Variants in MMD2 observed in about 807,000 individuals in gnomAD.
The protein encoded by MMD2 is monocyte to macrophage differentiation factor 2.
In MMD2, 30 loss-of-function variants were observed where a neutral mutation model predicts 33.5. The observed-to-expected ratio is 0.90, with a 90% CI of 0.67 to 1.22. The LOEUF (loss-of-function observed/expected upper bound fraction) is 1.22, where lower values mean the gene tolerates loss of function less well. MMD2 is among the 50% of genes most tolerant of loss of function. MMD2 has a pLI of 0.00. For missense variants in MMD2, 364 were observed against 325.4 expected, an observed-to-expected ratio of 1.12 and a Z score of -0.91; for synonymous variants, 129 against 123.0, an observed-to-expected ratio of 1.05 and a Z score of -0.32.
At chr7:4,893,031 A>G in the MMD2 span, among the ~76,000 whole-genome samples, 1 of 152,116 alleles carries the variant, frequency 6.6e-6, no homozygotes, top group Admixed American at 6.6e-5. Flanking sequence ...TGCGGTTTCT[A>G]AGATAGCCAC....
At chr7:4,955,069 T>A (rs904767241) in intron 1 of MMD2, among the ~76,000 whole-genome samples, 62 of 152,072 alleles carry the variant, frequency 4.1e-4, no homozygotes, top group African/African-American at 1.4e-3. Flanking sequence ...TTGCCCAGAG[T>A]GTTCTCAATC....
intron 6 of MMD2, among the ~76,000 whole-genome samples, chr7:4,908,991 A>G (rs1236358716): frequency 6.6e-6 from 1 of 152,106 alleles, no homozygotes; most frequent in Non-Finnish European, 1.5e-5. Flanking sequence ...ACGCACGACA[A>G]TGTGAGTGTG....
At chr7:4,896,260 G>T in the MMD2 span, among the ~76,000 whole-genome samples, 1 of 152,094 alleles carries the variant, frequency 6.6e-6, no homozygotes, top group Non-Finnish European at 1.5e-5. Flanking sequence ...CGGGTGGACT[G>T]CCTGAGCTCA....
chr7:4,910,814 A>T (rs976658205), intron 5 of MMD2, among the ~76,000 whole-genome samples: 10 of 152,118 alleles, frequency 6.6e-5, no homozygotes, highest in African/African-American at 1.9e-4. Context: ...TTTTTAATAG[A>T]GACAGGGTTT....
intron 1 of MMD2, among the ~76,000 whole-genome samples, chr7:4,937,652 G>A (rs1185583114): frequency 6.6e-6 from 1 of 152,076 alleles, no homozygotes; most frequent in Non-Finnish European, 1.5e-5. Flanking sequence ...GGGACTGCAG[G>A]CATGCACCAC....
intron 1 of MMD2, among the ~76,000 whole-genome samples, chr7:4,927,362 T>C (rs1489966627): frequency 1.3e-5 from 2 of 151,934 alleles, no homozygotes; most frequent in Admixed American, 6.6e-5. Context: ...CTGGTCAACA[T>C]GGTGAAACCC....
At chr7:4,957,362 A>AG (rs1026636597) in intron 1 of MMD2, among the ~76,000 whole-genome samples, 12 of 150,972 alleles carry the variant, frequency 7.9e-5, no homozygotes, top group Non-Finnish European at 1.3e-4. Flanking sequence ...AAGAAAAAAA[A>AG]CAAAGGCCGG....
downstream of MMD2, among the ~76,000 whole-genome samples, chr7:4,902,399 C>T (rs778647586): frequency 7.2e-5 from 11 of 152,234 alleles, no homozygotes; most frequent in Non-Finnish European, 1.5e-4. Context: ...CGCTTTGCTC[C>T]GCTGGTTAGA....
At chr7:4,914,381 G>A (rs10243726) in intron 4 of MMD2, among the ~76,000 whole-genome samples, 1 of 152,134 alleles carries the variant, frequency 6.6e-6, no homozygotes, top group Non-Finnish European at 1.5e-5. Flanking sequence ...TACTTTTTCA[G>A]TCTCAATGCC....
chr7:4,942,268 A>T (rs576120635), intron 1 of MMD2, among the ~76,000 whole-genome samples: 5 of 144,834 alleles, frequency 3.5e-5, no homozygotes, highest in Admixed American at 1.4e-4. Flanking sequence ...TTTTATTTTT[A>T]TTTTTTCTGT....
intron 2 of MMD2, among the ~76,000 whole-genome samples, chr7:4,922,375 G>T (rs941621166): frequency 3.9e-5 from 6 of 152,074 alleles, no homozygotes; most frequent in African/African-American, 1.4e-4. Context: ...TTTGAGACCA[G>T]TCTGGTCAAC....
intron 1 of MMD2, among the ~76,000 whole-genome samples, chr7:4,938,287 G>A (rs976586855): frequency 3.3e-5 from 5 of 151,946 alleles, no homozygotes; most frequent in African/African-American, 7.2e-5. Flanking sequence ...GGGATTACAG[G>A]CATGAGCCAC....
chr7:4,892,416 C>T, the MMD2 span, among the ~76,000 whole-genome samples: 3 of 151,834 alleles, frequency 2.0e-5, no homozygotes, highest in Non-Finnish European at 4.4e-5. Flanking sequence ...GGTGAAACTC[C>T]GTCTCTACTA....
intron 1 of MMD2, among the ~76,000 whole-genome samples, chr7:4,953,460 C>T (rs1583404770): frequency 1.4e-5 from 2 of 141,434 alleles, no homozygotes; most frequent in Admixed American, 1.5e-4. Context: ...GTTTCATTTT[C>T]GTGTGATTCA....
downstream of MMD2, among the ~76,000 whole-genome samples, chr7:4,902,050 C>G (rs1045390869): frequency 6.6e-5 from 10 of 152,182 alleles, no homozygotes; most frequent in African/African-American, 2.2e-4. Flanking sequence ...CTCCCAGGTT[C>G]AAGCATTCTC....
At position 4,928,117 on chromosome 7, in the gene MMD2, C is replaced by T. The variant is rs1394072268; in HGVS notation, c.48-2585G>A. Among the ~76,000 whole-genome samples the T allele has an allele frequency of 2.0e-5, 3 of 152,294 alleles. No individual in the cohort carries two copies. In the East Asian group the frequency reaches 5.8e-4, roughly 29 times the overall value. On this transcript the variant is annotated intron_variant, in intron 1 of 6. Coordinates refer to ENST00000401401, the MANE Select transcript of MMD2 (RefSeq NM_198403.4). ...GGCCCACACAGGCTCGGAATCAGCT[C>T]ACCTGGACGTTGCCAAGCAGCAGCC...
At chr7:4,916,156 G>C in intron 3 of MMD2, 77 bp from the exon 4 acceptor site, 1 of 1,394,910 alleles carries the variant, frequency 7.2e-7, no homozygotes, top group Non-Finnish European at 1.0e-6. Flanking sequence ...CCGTGCCCTG[G>C]ACTGATCGTG....
intron 1 of MMD2, among the ~76,000 whole-genome samples, chr7:4,930,598 C>G (rs1183179556): frequency 6.7e-6 from 1 of 148,440 alleles, no homozygotes; most frequent in Admixed American, 6.8e-5. Context: ...GAGCCAAGAT[C>G]GTGCCACTGC....
rs6962536 is a variant in MMD2, at chr7:4,922,350, C to T, written c.130-2019G>A. 7.5e-4 allele frequency among the ~76,000 whole-genome samples: 114 copies of T among 151,752 alleles called. 1 individual carries two copies. In the East Asian group the frequency reaches 0.02, roughly 27 times the overall value. On this transcript the variant is annotated intron_variant, in intron 2 of 6. Coordinates refer to ENST00000401401, the MANE Select transcript of MMD2 (RefSeq NM_198403.4). The stretch of plus-strand genomic sequence containing the variant: ...TTTGGGAGGCTGAAGCAGGTAGATC[C>T]CTTGAGGCCAGGAGTTTGAGACCAG...
Sources: gnomAD v4.1 joint callset for allele counts (sites outside exome capture counted in the v4.1 genomes callset) on GRCh38, gnomAD v4.1.1 for gene constraint, MANE v1.5 for transcripts, NCBI Gene and HGNC (gene_info 2026-07-23, HGNC 2026-07-21) for gene names.